Variants in TAB3 observed in about 807,000 individuals in gnomAD.
TAB3 encodes TGF-beta activated kinase 1 (MAP3K7) binding protein 3.
Under a neutral mutation model 48.1 loss-of-function variants are expected in TAB3, and 18 were observed. The observed-to-expected ratio is 0.37, with a 90% CI of 0.26 to 0.55. The LOEUF (loss-of-function observed/expected upper bound fraction) is 0.55, where lower values mean the gene tolerates loss of function less well. Among genes scored for constraint, TAB3 ranks in the 20% least tolerant of loss-of-function variants. The pLI is 0.78. For synonymous variants in TAB3, 185 were observed against 190.2 expected (o/e 0.97, Z 0.22); for missense variants, 414 against 549.8 (o/e 0.75, Z 2.47).
chrX:30,874,482 AC>A (rs1413797467), intron 1 of TAB3, among the ~76,000 whole-genome samples: 1 of 111,993 alleles, frequency 8.9e-6, no homozygotes, highest in Admixed American at 9.4e-5. Flanking sequence ...GGTTCATTGG[AC>A]CTTTCATTTG....
intron 9 of TAB3, chrX:30,834,494 T>TTTTAC (rs1170366650): frequency 7.0e-6 from 1 of 142,353 alleles, no homozygotes; most frequent in East Asian, 1.7e-4. Flanking sequence ...ATTTGGGAAA[T>TTTTAC]TTTACTTTAG....
chrX:30,827,473 G>C lies in TAB3; in HGVS notation c.*3954C>G, dbSNP rs1377645265. 2.7e-5 allele frequency: 3 copies of C among 112,548 alleles called. No homozygotes were observed. Among genetic ancestry groups the C allele is most frequent in the South Asian group, 7.3e-4 (2 of 2,743 alleles). 9.3% of individuals were successfully genotyped at this position (112,548 alleles called of 1,213,427 possible). Reference sequence around the variant, plus strand: ...TTGCTTTTAGTTTATTTATTTTGCAGGAATCTTTGACTTTCCGAATATGTA... The same window carrying C: ...TTGCTTTTAGTTTATTTATTTTGCACGAATCTTTGACTTTCCGAATATGTA... On this transcript the variant is annotated 3_prime_UTR_variant, in exon 11 of 11. Transcript: ENST00000288422.
At position 30,854,704 on chromosome X, in the gene TAB3, T is replaced by C; in HGVS notation, c.961A>G (p.Met321Val). The C allele has an allele frequency of 8.3e-7, 1 of 1,211,510 alleles. No homozygotes were observed. The highest frequency in any genetic ancestry group is 1.1e-6 in the Non-Finnish European group (1 of 895,453). The change falls in exon 6 of 11, where the codon ATG (methionine) becomes GTG (valine). Residue 321 changes from methionine (M) to valine (V), a missense_variant. By Grantham distance (21) the Met-to-Val change is conservative (BLOSUM62 1). Coordinates refer to ENST00000288422, the MANE Select transcript of TAB3 (RefSeq NM_152787.5). ...GGAGTAGTTGAAGGACTAGGTGGCA[T>C]AAAGATGTGGCCCAACTGGGAAGGT... ...VQPSQLGHIF[M>V]PPSPSTTPPH... is the part of the protein sequence containing the mutation.
intron 7 of TAB3, among the ~76,000 whole-genome samples, chrX:30,852,153 T>C: frequency 8.9e-6 from 1 of 112,499 alleles, no homozygotes; most frequent in Non-Finnish European, 1.9e-5. Context: ...TTCAAAATTC[T>C]CAGTTGTTTG....
chrX:30,831,671 C>G, intron 10 of TAB3, 96 bp from the exon 11 acceptor site: 1 of 983,759 alleles, frequency 1.0e-6, no homozygotes, highest in Non-Finnish European at 1.4e-6. Context: ...CCACAAAAAT[C>G]AAGGGAGGTA....
chrX:30,861,068 G>T (rs5926966), intron 4 of TAB3, among the ~76,000 whole-genome samples: 51,856 of 109,972 alleles, frequency 0.47, 9,929 homozygotes, highest in Non-Finnish European at 0.61. Flanking sequence ...TAGGTAAAGG[G>T]TATGCGGTGT....
rs1467236154 is a variant in TAB3, at chrX:30,870,802, A to ACAGG, written c.-280+896_-280+897insCCTG. On this transcript the variant is annotated intron_variant, in intron 2 of 10. Coordinates refer to ENST00000288422, the MANE Select transcript of TAB3 (RefSeq NM_152787.5). ...CAGGCAGAGTCCAGAGATGCTGCTA[A>ACAGG]ACATCCTACACTGCACAGGACAGCC... Among the ~76,000 whole-genome samples the ACAGG allele has an allele frequency of 2.7e-5, 3 of 111,872 alleles. No homozygotes were observed. In the Admixed American group the frequency reaches 2.8e-4, roughly 11 times the overall value.
intron 6 of TAB3, 124 bp from the exon 7 acceptor site, chrX:30,853,062 T>C (rs1333680226): frequency 1.5e-6 from 1 of 679,751 alleles, no homozygotes; most frequent in Non-Finnish European, 2.2e-6. Flanking sequence ...TACTCTCATG[T>C]CTTTCTAATG....
chrX:30,841,803 GACT>G (rs1390328565), intron 9 of TAB3, among the ~76,000 whole-genome samples: 1 of 112,163 alleles, frequency 8.9e-6, no homozygotes, highest in Non-Finnish European at 1.9e-5. Flanking sequence ...TACATTCAAT[GACT>G]ACTTATTTAT....
intron 4 of TAB3, among the ~76,000 whole-genome samples, chrX:30,862,031 A>C (rs769035876): frequency 8.9e-6 from 1 of 111,884 alleles, no homozygotes; most frequent in Non-Finnish European, 1.9e-5. Context: ...ATCTTCATTT[A>C]AATAATAGGC....
In TAB3 at chrX:30,868,318, A is replaced by ATATATATATAGCT. The variant is rs1264403782; in HGVS notation, c.-279-770_-279-769insAGCTATATATATA. On this transcript the variant is annotated intron_variant, in intron 2 of 10. Coordinates refer to ENST00000288422, the MANE Select transcript of TAB3 (RefSeq NM_152787.5). ...GAAAAGCTATATATATATATAGCTTATATATATATATATATAAGCTTTTAT... is the reference window on the plus strand; with the variant it reads ...GAAAAGCTATATATATATATAGCTTATATATATATAGCTTATATATATATATATAAGCTTTTAT... Among the ~76,000 whole-genome samples the ATATATATATAGCT allele has an allele frequency of 8.7e-3, 488 of 56,192 alleles. 166 individuals carry two copies. Among genetic ancestry groups the ATATATATATAGCT allele is most frequent in the African/African-American group, 0.037 (461 of 12,308 alleles). 48.8% of individuals were successfully genotyped at this position (56,192 alleles called of 115,157 possible).
intron 8 of TAB3, chrX:30,843,671 CA>C (rs1938528570): frequency 9.0e-6 from 1 of 111,708 alleles, no homozygotes; most frequent in Non-Finnish European, 1.9e-5. Flanking sequence ...ACAGATTTAT[CA>C]ATGATAAAAG....
Position 30,859,657 on chromosome X carries a change from C to A in TAB3, c.-69G>T. 1.6e-6 allele frequency: 1 copy of A among 630,868 alleles called. No homozygotes were observed. Among genetic ancestry groups the A allele is most frequent in the Non-Finnish European group, 2.5e-6 (1 of 402,417 alleles). 52.0% of individuals were successfully genotyped at this position (630,868 alleles called of 1,213,427 possible). On this transcript the variant is annotated 5_prime_UTR_variant, in exon 5 of 11. Coordinates refer to ENST00000288422, the MANE Select transcript of TAB3 (RefSeq NM_152787.5). ...TAACCGGCTTTCCAAAAGTAATGAT[C>A]TTCTAGCACCACAGTCATTTTCTAT...
At chrX:30,851,021 T>C (rs1938826576) in intron 7 of TAB3, among the ~76,000 whole-genome samples, 1 of 111,952 alleles carries the variant, frequency 8.9e-6, no homozygotes, top group Non-Finnish European at 1.9e-5. Flanking sequence ...ATATGGGTTA[T>C]GTCCTTCAAT....
Position 30,828,749 on chromosome X carries a change from G to A in TAB3, c.*2678C>T, listed in dbSNP as rs1937951322. 2 of 111,800 alleles carry A rather than the reference G, an allele frequency of 1.8e-5. No individual in the cohort carries two copies. The highest frequency in any genetic ancestry group is 6.5e-5 in the African/African-American group (2 of 30,738). The allele number at this position is 111,800 out of a possible 1,213,427, so 9.2% of individuals were successfully genotyped here. Reference sequence around the variant, plus strand: ...AAACCTCTTACAAGAAACAAGAAGTGCACCAGCTGATCCAGCTGGCACCTC... The same window carrying A: ...AAACCTCTTACAAGAAACAAGAAGTACACCAGCTGATCCAGCTGGCACCTC... On this transcript the variant is annotated 3_prime_UTR_variant, in exon 11 of 11. Transcript: ENST00000288422.
chrX:30,871,240 TATTTAACATGG>T (rs1399672008), intron 2 of TAB3, among the ~76,000 whole-genome samples: 6 of 112,162 alleles, frequency 5.3e-5, no homozygotes, highest in African/African-American at 1.9e-4. Flanking sequence ...TTAATTCAGT[TATTTAACATGG>T]ATTTGAGAAT....
chrX:30,863,960 C>T (rs1296224478), intron 4 of TAB3, among the ~76,000 whole-genome samples: 1 of 112,059 alleles, frequency 8.9e-6, no homozygotes, highest in Non-Finnish European at 1.9e-5. Flanking sequence ...TATTCTTGTC[C>T]AAATATATCA....
At chrX:30,838,701 T>G (rs914310967) in intron 9 of TAB3, among the ~76,000 whole-genome samples, 76 of 112,206 alleles carry the variant, frequency 6.8e-4, no homozygotes, top group Admixed American at 9.5e-4. Context: ...AAATATCTTT[T>G]GACAATGTTT....
chrX:30,857,709 T>A (rs1255108071), intron 5 of TAB3, among the ~76,000 whole-genome samples: 1 of 111,541 alleles, frequency 9.0e-6, no homozygotes, highest in Non-Finnish European at 1.9e-5. Flanking sequence ...AAAACCAAGA[T>A]ATTAAAGTAT....
Sources: gnomAD v4.1 joint callset for allele counts (sites outside exome capture counted in the v4.1 genomes callset) on GRCh38, gnomAD v4.1.1 for gene constraint, MANE v1.5 for transcripts, NCBI Gene and HGNC (gene_info 2026-07-23, HGNC 2026-07-21) for gene names.